Variants in CHDH observed in about 807,000 individuals in gnomAD.
The protein encoded by CHDH is choline dehydrogenase, mitochondrial.
A neutral mutation model predicts 56.9 loss-of-function variants in CHDH; 43 were observed. That is an observed-to-expected ratio of 0.76 (90% confidence interval 0.59 to 0.97). The LOEUF (loss-of-function observed/expected upper bound fraction) is 0.97. Ranked by LOEUF, CHDH falls within the 50% of genes least tolerant of loss-of-function variation. The pLI is 0.00. For missense variants in CHDH, 816 were observed against 821.1 expected, an observed-to-expected ratio of 0.99 and a Z score of 0.08; for synonymous variants, 364 against 348.5, an observed-to-expected ratio of 1.04 and a Z score of -0.50.
intron 2 of CHDH, among the ~76,000 whole-genome samples, chr3:53,828,490 C>G (rs141671200): frequency 1.8e-4 from 28 of 152,268 alleles, no homozygotes; most frequent in African/African-American, 6.7e-4. Context: ...TAAATCTTTG[C>G]AAAAGATACA....
intron 2 of CHDH, among the ~76,000 whole-genome samples, chr3:53,836,557 A>G (rs531921675): frequency 1.6e-3 from 249 of 152,308 alleles, no homozygotes; most frequent in Admixed American, 3.5e-3. Context: ...TCTCTGTGCC[A>G]CTTACTGGGA....
chr3:53,821,755 TC>T lies in CHDH; in HGVS notation c.876del (p.Ile293PhefsTer2). 1 of 1,613,870 alleles carries T rather than the reference TC, an allele frequency of 6.2e-7. No homozygotes were observed. The highest frequency in any genetic ancestry group is 8.5e-7 in the Non-Finnish European group (1 of 1,179,906). On this transcript the variant is annotated frameshift_variant, in exon 5 of 9. Transcript: ENST00000315251. LOFTEE classifies it high-confidence loss of function. ...QSHRAYASKEVILSGGAINSP... is the reference protein window; with the variant it reads ...QSHRAYASKEXILSGGAINSP... ...GAGTTGATGGCACCTCCACTCAGAA[TC>T]ACCTCCTTGCTGGCATAAGCCTGGA...
At position 53,813,813 on chromosome 3, in the gene CHDH, C is replaced by A. The variant is rs2095610800; in HGVS notation, c.*3964G>T. ...GATGAAATGTTTTTCCTTTTTGGTC[C>A]CCTCCCCATCTGAAAAACACACATT... On this transcript the variant is annotated 3_prime_UTR_variant, in exon 9 of 9. Coordinates refer to ENST00000315251, the MANE Select transcript of CHDH (RefSeq NM_018397.5). 6.6e-6 allele frequency: 1 copy of A among 151,954 alleles called. No homozygotes were observed. Among genetic ancestry groups the A allele is most frequent in the African/African-American group, 2.4e-5 (1 of 41,346 alleles). The allele number at this position is 151,954 out of a possible 1,614,324, so 9.4% of individuals were successfully genotyped here. A position where few individuals can be genotyped will look rare whatever the true frequency, so the allele number is the denominator to read the frequency against.
chr3:53,819,739 C>T lies in CHDH; in HGVS notation c.1121-65G>A, dbSNP rs974736074. The T allele has an allele frequency of 1.5e-4, 221 of 1,474,386 alleles. No individual in the cohort carries two copies. Among genetic ancestry groups the T allele is most frequent in the Non-Finnish European group, 2.0e-4 (217 of 1,107,614 alleles). The allele number at this position is 1,474,386 out of a possible 1,614,324, so 91.3% of individuals were successfully genotyped here. On this transcript the variant is annotated intron_variant, in intron 6 of 8. Coordinates refer to ENST00000315251, the MANE Select transcript of CHDH (RefSeq NM_018397.5). This position sits in a 1 kb window ranked among gnomAD's most constrained non-coding sequence, Gnocchi z 5.4. ...GCCGTGGCAGGTGGGCCGGCTGCTC[C>T]TGGTTTCCCTCCTTTCTCCTGGCCG...
intron 1 of CHDH, among the ~76,000 whole-genome samples, chr3:53,841,988 T>C (rs1054587290): frequency 6.6e-6 from 1 of 151,352 alleles, no homozygotes; most frequent in Non-Finnish European, 1.5e-5. Context: ...TTCTAAACAA[T>C]AAAAAAAGAA....
chr3:53,823,630 C>T lies in CHDH; in HGVS notation c.379G>A (p.Val127Ile), dbSNP rs765283936. 8.4e-6 allele frequency: 13 copies of T among 1,543,856 alleles called. No homozygotes were observed. The highest frequency in any genetic ancestry group is 6.9e-5 in the African/African-American group (5 of 72,954). The change falls in exon 3 of 9, where the codon GTC (valine) becomes ATC (isoleucine). Residue 127 changes from valine to isoleucine, a missense_variant. Coordinates refer to ENST00000315251, the MANE Select transcript of CHDH (RefSeq NM_018397.5). ...GRVLYWPRGR[V>I]WGGSSSLNAM... ...TTGAGGGATGAGGAGCCACCCCAGA[C>T]GCGGCCGCGTGGCCAGTACAGCACG...
At chr3:53,841,617 G>T (rs1698671655) in intron 1 of CHDH, among the ~76,000 whole-genome samples, 1 of 152,324 alleles carries the variant, frequency 6.6e-6, no homozygotes, top group Non-Finnish European at 1.5e-5. Context: ...TTCTGGGTGG[G>T]TTTAACCGCA....
rs766875892 is a variant in CHDH, at chr3:53,819,580, G to A, written c.1215C>T (p.Ser405=). Residue 405 remains serine, a synonymous_variant, in exon 7 of 9, where the codon TCC becomes TCT. Transcript: ENST00000315251. The surrounding 1 kb of genome is among the most constrained non-coding windows in gnomAD (Gnocchi z 5.4). ...GGACCCGCCCGTGGTCAATCACTTG[G>A]GATGGCAGGAAATGGAACTGGATGT... is the stretch of plus-strand genomic sequence containing the variant. The part of the protein sequence containing the change: ...HPDIQFHFLP[S]QVIDHGRVPT... 1.9e-6 allele frequency: 3 copies of A among 1,612,784 alleles called. No individual in the cohort carries two copies. The South Asian group carries it at 3.3e-5, about 18-fold the overall frequency.
At chr3:53,845,945 G>A (rs1382717471) in intron 1 of CHDH, 138 bp downstream of exon 1, 1 of 152,318 alleles carries the variant, frequency 6.6e-6, no homozygotes, top group African/African-American at 2.4e-5. Context: ...TTCGCTTCGC[G>A]CGGCGGGGCG....
intron 4 of CHDH, among the ~76,000 whole-genome samples, chr3:53,822,112 A>AC (rs150840487): frequency 0.016 from 2,363 of 152,232 alleles, 27 homozygotes; most frequent in Middle Eastern, 0.02. Flanking sequence ...AAACAATCAG[A>AC]CCCCCTGCCA....
chr3:53,825,235 T>A (rs2095636874), intron 2 of CHDH, among the ~76,000 whole-genome samples: 1 of 152,162 alleles, frequency 6.6e-6, no homozygotes, highest in Non-Finnish European at 1.5e-5. Context: ...CAATAAAAAA[T>A]TAGGATACAT....
chr3:53,833,139 C>T (rs1698388389), intron 2 of CHDH, among the ~76,000 whole-genome samples: 1 of 152,196 alleles, frequency 6.6e-6, no homozygotes, highest in South Asian at 2.1e-4. Flanking sequence ...AGAAGGTCTG[C>T]AGTAAATGAC....
At position 53,819,176 on chromosome 3, in the gene CHDH, G is replaced by A. The variant is rs1039595738; in HGVS notation, c.1264-136C>T. The A allele has an allele frequency of 2.0e-5, 13 of 648,176 alleles. No individual in the cohort carries two copies. The highest frequency in any genetic ancestry group is 5.5e-5 in the Admixed American group (2 of 36,266). 40.2% of individuals were successfully genotyped at this position (648,176 alleles called of 1,614,324 possible). On this transcript the variant is annotated intron_variant, in intron 7 of 8. Transcript: ENST00000315251. The surrounding 1 kb of genome is among the most constrained non-coding windows in gnomAD (Gnocchi z 5.4). ...AACAGATGCATGTTAGCATTTGCCC[G>A]CATGGTACCCACCTCCACGAGTGAT...
chr3:53,822,745 A>G (rs1364641469), intron 3 of CHDH, 103 bp from the exon 4 acceptor site: 2 of 1,384,856 alleles, frequency 1.4e-6, no homozygotes, highest in African/African-American at 2.9e-5. Context: ...CCCAGCTCTG[A>G]CTGCAAGTCC....
At chr3:53,836,806 C>CCT (rs1217134970) in intron 2 of CHDH, among the ~76,000 whole-genome samples, 1 of 152,210 alleles carries the variant, frequency 6.6e-6, no homozygotes, top group African/African-American at 2.4e-5. Context: ...GAAGGCACCC[C>CCT]CTGGGAATGT....
intron 2 of CHDH, among the ~76,000 whole-genome samples, chr3:53,826,315 T>TAA (rs59355780): frequency 0.066 from 9,213 of 139,836 alleles, 978 homozygotes; most frequent in African/African-American, 0.21. Flanking sequence ...GACATTACAA[T>TAA]AAAAAAAAAA....
intron 2 of CHDH, among the ~76,000 whole-genome samples, chr3:53,830,071 T>C (rs923243306): frequency 2.0e-5 from 3 of 152,058 alleles, no homozygotes; most frequent in Non-Finnish European, 2.9e-5. Context: ...CTACAAAACA[T>C]TGACAGAAGT....
chr3:53,834,685 C>T (rs1315312109), intron 2 of CHDH, among the ~76,000 whole-genome samples: 1 of 152,236 alleles, frequency 6.6e-6, no homozygotes, highest in Non-Finnish European at 1.5e-5. Context: ...CCTGCAGAGT[C>T]GCACAGCTAG....
chr3:53,823,209 A>T, intron 3 of CHDH, 97 bp downstream of exon 3: 1 of 1,161,126 alleles, frequency 8.6e-7, no homozygotes, highest in Non-Finnish European at 1.2e-6. Flanking sequence ...ATGCCTCCTG[A>T]CCATGCTGGA....
Sources: gnomAD v4.1 joint callset for allele counts (sites outside exome capture counted in the v4.1 genomes callset) on GRCh38, gnomAD v4.1.1 for gene constraint, Gnocchi (gnomAD v3.1) non-coding constraint, MANE v1.5 for transcripts, NCBI Gene and HGNC (gene_info 2026-07-23, HGNC 2026-07-21) for gene names.